The following RAB3C variants were observed in gnomAD, a reference collection of about 807,000 sequenced individuals.
The protein encoded by RAB3C is ras-related protein Rab-3C.
RAB3C carries 17 observed loss-of-function variants against 26.4 expected under a neutral mutation model. That is an observed-to-expected ratio of 0.64 (90% confidence interval 0.44 to 0.97). The LOEUF (loss-of-function observed/expected upper bound fraction) is 0.97, where lower values mean the gene tolerates loss of function less well. RAB3C is among the 50% of genes least tolerant of loss of function. The pLI is 0.00. For missense variants in RAB3C, 242 were observed against 281.9 expected (o/e 0.86, Z 1.01); for synonymous variants, 91 against 95.9 (o/e 0.95, Z 0.30).
At chr5:58,811,140 T>C (rs1031577445) in intron 3 of RAB3C, among the ~76,000 whole-genome samples, 4 of 152,212 alleles carry the variant, frequency 2.6e-5, no homozygotes, top group Non-Finnish European at 5.9e-5. Context: ...AGCCTGCAGC[T>C]GAACCCATTA....
chr5:58,799,550 G>C (rs1561134383), intron 3 of RAB3C, among the ~76,000 whole-genome samples: 5 of 152,048 alleles, frequency 3.3e-5, no homozygotes, highest in African/African-American at 9.7e-5. Flanking sequence ...AACGTGAAAT[G>C]GTCTTTAAAA....
intron 2 of RAB3C, among the ~76,000 whole-genome samples, chr5:58,703,175 CT>C (rs901812987): frequency 2.0e-5 from 3 of 151,322 alleles, no homozygotes; most frequent in Non-Finnish European, 4.4e-5. Context: ...CTTGTTTATT[CT>C]TTTTTTTTGT....
At chr5:58,748,855 T>C (rs569084840) in intron 3 of RAB3C, among the ~76,000 whole-genome samples, 1 of 152,286 alleles carries the variant, frequency 6.6e-6, no homozygotes, top group Non-Finnish European at 1.5e-5. Context: ...ATGGGATTAG[T>C]TCTCACCAAC....
intron 2 of RAB3C, among the ~76,000 whole-genome samples, chr5:58,682,696 G>GAAAAA (rs548127913): frequency 1.4e-5 from 1 of 73,896 alleles, no homozygotes; most frequent in Non-Finnish European, 3.3e-5. Flanking sequence ...AAAGAAAAAA[G>GAAAAA]AAAAAAAAAA....
At chr5:58,765,841 G>A (rs1290304429) in intron 3 of RAB3C, among the ~76,000 whole-genome samples, 1 of 152,142 alleles carries the variant, frequency 6.6e-6, no homozygotes, top group Admixed American at 6.5e-5. Flanking sequence ...GGGGCCTGGT[G>A]GGAGGTGATT....
At chr5:58,624,696 C>A (rs958804203) in intron 2 of RAB3C, among the ~76,000 whole-genome samples, 2 of 152,020 alleles carry the variant, frequency 1.3e-5, no homozygotes, top group African/African-American at 4.8e-5. Context: ...ACAACTAGTA[C>A]CAAAGAGCAA....
At chr5:58,585,749 G>A (rs577381106) in intron 1 of RAB3C, among the ~76,000 whole-genome samples, 1 of 152,146 alleles carries the variant, frequency 6.6e-6, no homozygotes, top group Non-Finnish European at 1.5e-5. Flanking sequence ...TTTATGAAGA[G>A]TATTTCTTTC....
chr5:58,814,160 A>G (rs1402374524), intron 3 of RAB3C, among the ~76,000 whole-genome samples: 5 of 152,140 alleles, frequency 3.3e-5, no homozygotes, highest in Non-Finnish European at 7.4e-5. Flanking sequence ...TGGTCTTCAA[A>G]AGGCCCGAGC....
chr5:58,647,506 G>C (rs763901345), intron 2 of RAB3C: 1 of 152,052 alleles, frequency 6.6e-6, no homozygotes, highest in African/African-American at 2.4e-5. Flanking sequence ...CCCTCGACAC[G>C]TGGGGATTAT....
rs185724448 is a variant in RAB3C, at chr5:58,801,548, T to C, written c.372-23490T>C. Among the ~76,000 whole-genome samples, 90 of 152,376 alleles carry C rather than the reference T, an allele frequency of 5.9e-4. 1 individual carries two copies. The Middle Eastern group carries it at 0.027, about 46-fold the overall frequency. On this transcript the variant is annotated intron_variant, in intron 3 of 4. Coordinates refer to ENST00000282878, the MANE Select transcript of RAB3C (RefSeq NM_138453.4). Reference sequence around the variant, plus strand: ...TTTAAAATCCTGAAGTTCTTTATCATTGGACTACAGCATGGCATCATCCCG... The same window carrying C: ...TTTAAAATCCTGAAGTTCTTTATCACTGGACTACAGCATGGCATCATCCCG...
intron 2 of RAB3C, among the ~76,000 whole-genome samples, chr5:58,705,393 C>T: frequency 6.6e-6 from 1 of 152,078 alleles, no homozygotes; most frequent in Non-Finnish European, 1.5e-5. Context: ...AGGAGTTTTG[C>T]AATACTGTTA....
chr5:58,731,608 G>T (rs1010752481), intron 3 of RAB3C, among the ~76,000 whole-genome samples: 1 of 152,080 alleles, frequency 6.6e-6, no homozygotes, highest in Admixed American at 6.6e-5. Flanking sequence ...AAACATGGAG[G>T]GTGTTGGGAT....
upstream of RAB3C, chr5:58,583,001 C>T (rs1266078073): frequency 2.3e-5 from 31 of 1,357,462 alleles, no homozygotes; most frequent in Non-Finnish European, 2.7e-5. Flanking sequence ...ACCCGGAGGG[C>T]GAGACTACAG....
At chr5:58,656,575 A>T (rs1435438684) in intron 2 of RAB3C, among the ~76,000 whole-genome samples, 1 of 152,260 alleles carries the variant, frequency 6.6e-6, no homozygotes, top group African/African-American at 2.4e-5. Context: ...AAGTTATAGC[A>T]GTTTTTAATA....
intron 1 of RAB3C, among the ~76,000 whole-genome samples, chr5:58,613,396 A>G (rs1273473836): frequency 6.6e-6 from 1 of 152,126 alleles, no homozygotes; most frequent in African/African-American, 2.4e-5. Context: ...TTTGTCTAAA[A>G]AGTGATTACC....
intron 2 of RAB3C, among the ~76,000 whole-genome samples, chr5:58,689,706 C>T (rs1748522105): frequency 6.6e-6 from 1 of 152,094 alleles, no homozygotes; most frequent in Non-Finnish European, 1.5e-5. Flanking sequence ...TTCCTCCTTC[C>T]ATTCATTCCC....
intron 2 of RAB3C, among the ~76,000 whole-genome samples, chr5:58,691,027 C>T (rs1748559644): frequency 6.6e-6 from 1 of 151,880 alleles, no homozygotes; most frequent in East Asian, 1.9e-4. Context: ...TTTGTATGTG[C>T]TTATTACTAA....
intron 2 of RAB3C, among the ~76,000 whole-genome samples, chr5:58,651,442 G>A (rs753560746): frequency 6.6e-6 from 1 of 152,122 alleles, no homozygotes; most frequent in Non-Finnish European, 1.5e-5. Flanking sequence ...GGGGGTGCAC[G>A]AGATAATACA....
At chr5:58,819,593 G>A (rs950983919) in intron 3 of RAB3C, among the ~76,000 whole-genome samples, 1 of 152,118 alleles carries the variant, frequency 6.6e-6, no homozygotes, top group Non-Finnish European at 1.5e-5. Context: ...ACCCATCTAC[G>A]GCTGGGCACG....
Sources: allele counts gnomAD v4.1 joint callset (sites outside exome capture counted in the v4.1 genomes callset), GRCh38; gene constraint gnomAD v4.1.1; transcripts MANE v1.5; gene names NCBI Gene and HGNC (gene_info 2026-07-23, HGNC 2026-07-21).